The following PCDHA3 variants were observed in gnomAD, a reference collection of about 807,000 sequenced individuals.
The protein encoded by PCDHA3 is protocadherin alpha-3.
PCDHA3 carries 41 observed loss-of-function variants against 62.2 expected under a neutral mutation model. The observed-to-expected ratio is 0.66, with a 90% CI of 0.51 to 0.86. The LOEUF (loss-of-function observed/expected upper bound fraction) is 0.86. Ranked by LOEUF, PCDHA3 falls within the 40% of genes least tolerant of loss-of-function variation. The pLI, the probability that PCDHA3 is intolerant of heterozygous loss-of-function variation, is 0.00. For missense variants in PCDHA3, 1,304 were observed against 1,241.2 expected (o/e 1.05, Z -0.76); for synonymous variants, 640 against 555.4 (o/e 1.15, Z -2.14).
At chr5:140,829,199 G>C (rs1416881170) in intron 1 of PCDHA3, 1 of 1,614,038 alleles carries the variant, frequency 6.2e-7, no homozygotes, top group East Asian at 2.2e-5. Context: ...TACTGTCATC[G>C]CCCTAATTAG....
In PCDHA3 at chr5:140,830,149, C is replaced by T. The variant is rs2150181952; in HGVS notation, c.2394+26558C>T. The stretch of plus-strand genomic sequence containing the variant: ...CGTCATCACGGGCGTCGGTGGGCGC[C>T]GCGGGCCCAGAGGCGGCGCTGGTGG... On this transcript the variant is annotated intron_variant, in intron 1 of 3. Transcript: ENST00000522353. 8 of 1,613,338 alleles carry T rather than the reference C, an allele frequency of 5.0e-6. No individual in the cohort carries two copies. In the East Asian group the frequency reaches 6.7e-5, roughly 13 times the overall value.
chr5:140,880,742 G>A, intron 1 of PCDHA3, among the ~76,000 whole-genome samples: 1 of 152,208 alleles, frequency 6.6e-6, no homozygotes, highest in East Asian at 1.9e-4. Flanking sequence ...AAAATGGATT[G>A]TCAGTGTAAC....
At chr5:140,859,397 A>C in intron 1 of PCDHA3, 1 of 262,266 alleles carries the variant, frequency 3.8e-6, no homozygotes, top group Non-Finnish European at 6.9e-6. Flanking sequence ...CATCTTAAAC[A>C]GGGTTGGGTT....
At chr5:140,807,021 G>A in intron 1 of PCDHA3, 1 of 820,396 alleles carries the variant, frequency 1.2e-6, no homozygotes, top group Non-Finnish European at 1.9e-6. Context: ...ATACATGAGA[G>A]AAGGAGGAAG....
At chr5:140,876,184 A>T in intron 1 of PCDHA3, 1 of 1,613,968 alleles carries the variant, frequency 6.2e-7, no homozygotes. Flanking sequence ...TGTGAATGAC[A>T]ATGGTCCGGC....
In PCDHA3 at chr5:140,900,825, C is replaced by T. The variant is rs568337253; in HGVS notation, c.2395-78124C>T. On this transcript the variant is annotated intron_variant, in intron 1 of 3. Coordinates refer to ENST00000522353, the MANE Select transcript of PCDHA3 (RefSeq NM_018906.3). Reference sequence around the variant, plus strand: ...TGCTTGTACTAATTTACATTCCCACCAACAATGTACAAAGTTTCCCTTTTT... The same window carrying T: ...TGCTTGTACTAATTTACATTCCCACTAACAATGTACAAAGTTTCCCTTTTT... Among the ~76,000 whole-genome samples, 8 of 152,276 alleles carry T rather than the reference C, an allele frequency of 5.3e-5. No homozygotes were observed. The South Asian group carries it at 1.7e-3, about 32-fold the overall frequency.
At chr5:140,913,212 T>G (rs113766408) in intron 1 of PCDHA3, among the ~76,000 whole-genome samples, 11,533 of 152,278 alleles carry the variant, frequency 0.076, 607 homozygotes, top group Non-Finnish European at 0.12. Flanking sequence ...AGCCAATGGG[T>G]CCCAGGCTTT....
rs2150256971 is a variant in PCDHA3, at chr5:140,836,289, G to A, written c.2394+32698G>A. 8.7e-6 allele frequency: 14 copies of A among 1,613,792 alleles called. No homozygotes were observed. The South Asian group carries it at 1.5e-4, about 18-fold the overall frequency. Reference sequence around the variant, plus strand: ...CACTGGTGAGATCAGCACGACACGAGCCCTAGATGAGACGGACGCACCGCG... The same window carrying A: ...CACTGGTGAGATCAGCACGACACGAACCCTAGATGAGACGGACGCACCGCG... On this transcript the variant is annotated intron_variant, in intron 1 of 3. Coordinates refer to ENST00000522353, the MANE Select transcript of PCDHA3 (RefSeq NM_018906.3).
intron 1 of PCDHA3, among the ~76,000 whole-genome samples, chr5:140,971,962 T>C (rs1392143830): frequency 6.6e-6 from 1 of 152,150 alleles, no homozygotes; most frequent in Non-Finnish European, 1.5e-5. Context: ...CAAAAACTTT[T>C]TTTCAATACT....
intron 1 of PCDHA3, chr5:140,871,181 T>C (rs782405877): frequency 6.2e-7 from 1 of 1,613,552 alleles, no homozygotes; most frequent in Admixed American, 1.7e-5. Flanking sequence ...GCTGCGCTGG[T>C]GGATGTCAAC....
chr5:141,002,675 A>G (rs782045638), intron 3 of PCDHA3, among the ~76,000 whole-genome samples: 5 of 152,222 alleles, frequency 3.3e-5, no homozygotes, highest in African/African-American at 4.8e-5. Context: ...ACCAAAACCT[A>G]TACGACGTGC....
chr5:140,862,553 C>T (rs561370771), intron 1 of PCDHA3: 12 of 463,418 alleles, frequency 2.6e-5, no homozygotes, highest in Non-Finnish European at 4.4e-5. Context: ...AGTGGCCGAA[C>T]AGTGAACCAC....
chr5:140,984,692 C>T (rs1252057323), intron 3 of PCDHA3, among the ~76,000 whole-genome samples: 2 of 152,130 alleles, frequency 1.3e-5, no homozygotes, highest in Non-Finnish European at 2.9e-5. Context: ...ATATGTTCTG[C>T]ACTGCTTGGA....
chr5:140,932,002 T>G (rs1305093438), intron 1 of PCDHA3, among the ~76,000 whole-genome samples: 1 of 151,956 alleles, frequency 6.6e-6, no homozygotes, highest in East Asian at 1.9e-4. Flanking sequence ...CTAAGTTCTT[T>G]CATTTTAGTT....
At chr5:140,967,146 A>G (rs782158011) in intron 1 of PCDHA3, 2 of 1,610,972 alleles carry the variant, frequency 1.2e-6, no homozygotes, top group South Asian at 1.1e-5. Flanking sequence ...CTGGCGCACA[A>G]CCCCGTGGCG....
intron 1 of PCDHA3, among the ~76,000 whole-genome samples, chr5:140,899,871 T>G (rs76112838): frequency 0.014 from 2,117 of 152,008 alleles, 43 homozygotes; most frequent in African/African-American, 0.049. Context: ...GCAGTGGTAT[T>G]AACAGAACTC....
chr5:140,953,670 T>C (rs2094923970), intron 1 of PCDHA3, among the ~76,000 whole-genome samples: 1 of 152,212 alleles, frequency 6.6e-6, no homozygotes, highest in Non-Finnish European at 1.5e-5. Flanking sequence ...TGGAAGGGTC[T>C]GTTTATTATG....
chr5:140,940,988 T>G (rs2092713422), intron 1 of PCDHA3, among the ~76,000 whole-genome samples: 1 of 152,206 alleles, frequency 6.6e-6, no homozygotes, highest in African/African-American at 2.4e-5. Flanking sequence ...AGTTACAAGT[T>G]TATAGGATTA....
chr5:140,868,857 T>A (rs2050685848), intron 1 of PCDHA3: 1 of 499,740 alleles, frequency 2.0e-6, no homozygotes, highest in Admixed American at 3.8e-5. Context: ...TCTGTGGTGG[T>A]AAATGCAGTG....
Sources: gnomAD v4.1 joint callset for allele counts (sites outside exome capture counted in the v4.1 genomes callset) on GRCh38, gnomAD v4.1.1 for gene constraint, MANE v1.5 for transcripts, NCBI Gene and HGNC (gene_info 2026-07-23, HGNC 2026-07-21) for gene names.